PMFBP1: variants seen among roughly 807,000 people sequenced by gnomAD.
The protein encoded by PMFBP1 is polyamine-modulated factor 1-binding protein 1.
In PMFBP1, 131 loss-of-function variants were observed where a neutral mutation model predicts 137.8. That is an observed-to-expected ratio of 0.95 (90% CI 0.82 to 1.10). The LOEUF (loss-of-function observed/expected upper bound fraction) is 1.10, where lower values mean the gene tolerates loss of function less well. PMFBP1 is among the 50% of genes least tolerant of loss of function. The probability of loss-of-function intolerance (pLI) is 0.00; values close to 1 mark genes in which losing one functional copy is unlikely to be tolerated. For synonymous variants in PMFBP1, 490 were observed against 450.4 expected (o/e 1.09, Z -1.11); for missense variants, 1,199 against 1,175.4 (o/e 1.02, Z -0.29).
chr16:72,183,816 C>T, the PMFBP1 span, among the ~76,000 whole-genome samples: 1 of 152,286 alleles, frequency 6.6e-6, no homozygotes, highest in Non-Finnish European at 1.5e-5. Flanking sequence ...CACTTCTCAT[C>T]TTCATGGATG....
At chr16:72,238,371 T>G in the PMFBP1 span, among the ~76,000 whole-genome samples, 1 of 152,246 alleles carries the variant, frequency 6.6e-6, no homozygotes, top group African/African-American at 2.4e-5. Flanking sequence ...TATCTCACTG[T>G]GGTTTTGATT....
chr16:72,147,878 C>G (rs940033029), intron 5 of PMFBP1, among the ~76,000 whole-genome samples: 3 of 152,098 alleles, frequency 2.0e-5, no homozygotes, highest in Non-Finnish European at 4.4e-5. Flanking sequence ...ACAACAGATA[C>G]TGGAGAGGAT....
the PMFBP1 span, among the ~76,000 whole-genome samples, chr16:72,219,484 G>A: frequency 6.6e-6 from 1 of 152,098 alleles, no homozygotes; most frequent in African/African-American, 2.4e-5. Flanking sequence ...GCATATGTCG[G>A]GGGCCTGTGA....
At chr16:72,195,980 A>AAT in the PMFBP1 span, among the ~76,000 whole-genome samples, 7 of 88,934 alleles carry the variant, frequency 7.9e-5, no homozygotes, top group East Asian at 2.7e-3. Context: ...GAGCTTACAG[A>AAT]ATGTGTGTGT....
intron 15 of PMFBP1, 24 bp downstream of exon 15, chr16:72,125,944 G>A: frequency 6.2e-7 from 1 of 1,610,916 alleles, no homozygotes; most frequent in Non-Finnish European, 8.5e-7. Flanking sequence ...AAACAGCCCT[G>A]GAGACTAGAG....
At chr16:72,137,860 G>C (rs1255890994) in intron 7 of PMFBP1, among the ~76,000 whole-genome samples, 2 of 152,168 alleles carry the variant, frequency 1.3e-5, no homozygotes, top group South Asian at 4.1e-4. Flanking sequence ...GCAGCAGGAA[G>C]CCAGGAGGTG....
chr16:72,235,015 C>A, the PMFBP1 span, among the ~76,000 whole-genome samples: 2 of 152,062 alleles, frequency 1.3e-5, no homozygotes, highest in African/African-American at 2.4e-5. Flanking sequence ...TTCTTGATGG[C>A]GTACTTTGAA....
chr16:72,205,199 C>G, the PMFBP1 span, among the ~76,000 whole-genome samples: 1 of 152,206 alleles, frequency 6.6e-6, no homozygotes. Context: ...AGGTGAGTAG[C>G]TCTCAAATAC....
At chr16:72,131,483 C>T (rs868209191) in intron 10 of PMFBP1, among the ~76,000 whole-genome samples, 3 of 152,186 alleles carry the variant, frequency 2.0e-5, no homozygotes, top group Non-Finnish European at 2.9e-5. Context: ...TTCTAGCCCA[C>T]GCCTTTGCCT....
At chr16:72,196,786 C>G in the PMFBP1 span, among the ~76,000 whole-genome samples, 3 of 152,144 alleles carry the variant, frequency 2.0e-5, no homozygotes, top group African/African-American at 7.2e-5. Context: ...CCATTCTGCA[C>G]CAATAATGTT....
the PMFBP1 span, among the ~76,000 whole-genome samples, chr16:72,207,400 T>G: frequency 6.6e-6 from 1 of 151,942 alleles, no homozygotes; most frequent in Non-Finnish European, 1.5e-5. Flanking sequence ...AGGGATGGTT[T>G]TGAGAGAAAC....
At chr16:72,192,397 C>T in the PMFBP1 span, among the ~76,000 whole-genome samples, 1 of 152,098 alleles carries the variant, frequency 6.6e-6, no homozygotes, top group Non-Finnish European at 1.5e-5. Context: ...TTAAATCTAG[C>T]TGGTGCACGT....
the PMFBP1 span, among the ~76,000 whole-genome samples, chr16:72,184,315 G>A: frequency 6.6e-6 from 1 of 152,092 alleles, no homozygotes; most frequent in East Asian, 1.9e-4. Context: ...CTCCAGATTT[G>A]GATAACAACT....
intron 14 of PMFBP1, chr16:72,128,443 T>C: frequency 6.6e-7 from 1 of 1,512,536 alleles, no homozygotes; most frequent in Non-Finnish European, 8.8e-7. Flanking sequence ...CTCCACCAGA[T>C]ATGAGATGAG....
At chr16:72,196,698 AT>A in the PMFBP1 span, among the ~76,000 whole-genome samples, 1 of 152,304 alleles carries the variant, frequency 6.6e-6, no homozygotes, top group East Asian at 1.9e-4. Flanking sequence ...ATGGGACTGA[AT>A]TCATCCGTGC....
intron 5 of PMFBP1, among the ~76,000 whole-genome samples, 163 bp downstream of exon 5, chr16:72,150,445 G>A (rs2042884105): frequency 6.6e-6 from 1 of 152,226 alleles, no homozygotes; most frequent in African/African-American, 2.4e-5. Flanking sequence ...TATAGGATAT[G>A]TGAAAGCTGG....
At chr16:72,117,577 C>T (rs2042321085), downstream of PMFBP1, among the ~76,000 whole-genome samples, 1 of 152,140 alleles carries the variant, frequency 6.6e-6, no homozygotes, top group Admixed American at 6.5e-5. Context: ...GGTGTTCTTG[C>T]CTTATTCCTG....
chr16:72,204,552 G>T, the PMFBP1 span, among the ~76,000 whole-genome samples: 18 of 152,112 alleles, frequency 1.2e-4, no homozygotes, highest in Non-Finnish European at 2.1e-4. Context: ...TTAAGAGCAG[G>T]AGCACAGTCT....
At chr16:72,221,206 C>CATG in the PMFBP1 span, among the ~76,000 whole-genome samples, 1 of 152,122 alleles carries the variant, frequency 6.6e-6, no homozygotes, top group Middle Eastern at 3.2e-3. Context: ...AGAAAGGGTG[C>CATG]ATGATGACAT....
Sources: gnomAD v4.1 joint callset for allele counts (sites outside exome capture counted in the v4.1 genomes callset) on GRCh38, gnomAD v4.1.1 for gene constraint, MANE v1.5 for transcripts, NCBI Gene and HGNC (gene_info 2026-07-23, HGNC 2026-07-21) for gene names.